The following ATP9A variants were observed in gnomAD, a reference collection of about 807,000 sequenced individuals.
ATP9A encodes the protein probable phospholipid-transporting ATPase IIA.
A neutral mutation model predicts 144.1 loss-of-function variants in ATP9A; 52 were observed. The observed-to-expected ratio is 0.36, with a 90% CI of 0.29 to 0.45. The LOEUF (loss-of-function observed/expected upper bound fraction) is 0.45, where lower values mean the gene tolerates loss of function less well. ATP9A is among the 20% of genes least tolerant of loss of function. ATP9A has a pLI of 1.00. For missense variants in ATP9A, 947 were observed against 1,392.7 expected (o/e 0.68, Z 5.09); for synonymous variants, 582 against 557.4 (o/e 1.04, Z -0.62).
At chr20:51,741,986 C>G (rs2077787144) in intron 1 of ATP9A, among the ~76,000 whole-genome samples, 2 of 152,278 alleles carry the variant, frequency 1.3e-5, no homozygotes, top group South Asian at 4.1e-4. Context: ...TATATATAAA[C>G]TATTTGTTTA....
intron 1 of ATP9A, among the ~76,000 whole-genome samples, chr20:51,766,470 TTCA>T (rs2077904130): frequency 6.6e-6 from 1 of 152,206 alleles, no homozygotes. Context: ...ATCATATTAA[TTCA>T]TCACAGTATT....
intron 13 of ATP9A, among the ~76,000 whole-genome samples, chr20:51,668,100 G>T (rs1223304142): frequency 2.2e-4 from 6 of 26,766 alleles, no homozygotes; most frequent in African/African-American, 2.8e-4. Context: ...GGGGGGGGGG[G>T]GCGGAAGGGC....
intron 14 of ATP9A, 88 bp downstream of exon 14, chr20:51,656,850 C>T: frequency 1.6e-6 from 2 of 1,256,694 alleles, no homozygotes; most frequent in South Asian, 1.3e-5. Flanking sequence ...TCTGCCCTGA[C>T]ACATTGCTTC....
At chr20:51,638,023 A>G (rs1329222271) in intron 15 of ATP9A, among the ~76,000 whole-genome samples, 2 of 138,778 alleles carry the variant, frequency 1.4e-5, no homozygotes, top group East Asian at 2.1e-4. Context: ...GTTTGCAGCG[A>G]ATGCCATTAA....
intron 1 of ATP9A, among the ~76,000 whole-genome samples, chr20:51,743,394 T>A (rs956167661): frequency 8.6e-6 from 1 of 116,790 alleles, no homozygotes; most frequent in Non-Finnish European, 1.7e-5. Context: ...AGACCGAAAC[T>A]GATTTTTTTT....
At chr20:51,682,573 G>C (rs2077504348) in intron 9 of ATP9A, among the ~76,000 whole-genome samples, 1 of 44,244 alleles carries the variant, frequency 2.3e-5, no homozygotes, top group Non-Finnish European at 5.6e-5. Context: ...GCTTTTCACT[G>C]TATCTTTTTT....
At chr20:51,736,140 G>C (rs1347407245) in intron 1 of ATP9A, among the ~76,000 whole-genome samples, 1 of 152,264 alleles carries the variant, frequency 6.6e-6, no homozygotes. Flanking sequence ...GAACTGCACA[G>C]GCAAAGATCC....
chr20:51,700,848 G>C (rs1267364271), intron 4 of ATP9A, among the ~76,000 whole-genome samples: 1 of 152,094 alleles, frequency 6.6e-6, no homozygotes, highest in African/African-American at 2.4e-5. Context: ...AGAAAACAGA[G>C]AGGGAGCGAA....
chr20:51,694,050 C>T lies in ATP9A; in HGVS notation c.600G>A (p.Leu200=). 1.2e-6 allele frequency: 2 copies of T among 1,614,116 alleles called. No individual in the cohort carries two copies. Among genetic ancestry groups the T allele is most frequent in the Non-Finnish European group, 1.7e-6 (2 of 1,180,000 alleles). Residue 200 remains leucine (L), a synonymous_variant, in exon 7 of 28, where the codon CTG becomes CTA. Transcript: ENST00000338821. ...DQLDGETDWK[L]RLPVACTQRL... is the part of the protein sequence containing the mutation. ...TCTGCGTGCAGGCCACGGGAAGCCG[C>T]AGCTTCCAGTCCGTCTCCCCATCCA...
In ATP9A at chr20:51,712,951, A is replaced by G. The variant is rs1209815615; in HGVS notation, c.436+15T>C. 3.1e-6 allele frequency: 5 copies of G among 1,597,106 alleles called. No individual in the cohort carries two copies. In the Admixed American group the frequency reaches 6.9e-5, roughly 22 times the overall value. On this transcript the variant is annotated intron_variant, in intron 4 of 27. Transcript: ENST00000338821. ...TTGAGCTGCAACCCTGTGGCCCAGGAGCCAGAAGGCTGACCTCGTGCTGTG... is the reference window on the plus strand; with the variant it reads ...TTGAGCTGCAACCCTGTGGCCCAGGGGCCAGAAGGCTGACCTCGTGCTGTG...
At chr20:51,639,569 A>G (rs2077310037) in intron 14 of ATP9A, 65 bp from the exon 15 acceptor site, 1 of 1,495,406 alleles carries the variant, frequency 6.7e-7, no homozygotes. Context: ...AGGCTGTGCT[A>G]TGAACACAAA....
chr20:51,627,545 G>T, intron 17 of ATP9A, 55 bp downstream of exon 17: 1 of 1,476,718 alleles, frequency 6.8e-7, no homozygotes, highest in South Asian at 1.1e-5. Context: ...TGGAAGGAGT[G>T]ACTGGGAGGC....
intron 4 of ATP9A, among the ~76,000 whole-genome samples, chr20:51,709,428 T>G (rs1198138067): frequency 2.0e-5 from 3 of 152,022 alleles, no homozygotes; most frequent in African/African-American, 4.8e-5. Flanking sequence ...GGCAGGAGAA[T>G]CGCTTCAACC....
At chr20:51,631,788 G>C (rs1198588010) in intron 15 of ATP9A, among the ~76,000 whole-genome samples, 1 of 152,212 alleles carries the variant, frequency 6.6e-6, no homozygotes, top group Non-Finnish European at 1.5e-5. Context: ...GGAAGGGGGA[G>C]AAGGCACTGG....
chr20:51,634,852 TC>T (rs2077284293), intron 15 of ATP9A, among the ~76,000 whole-genome samples: 1 of 15,456 alleles, frequency 6.5e-5, no homozygotes, highest in Admixed American at 7.8e-4. Flanking sequence ...CAAAACTCCA[TC>T]TCAAAAAAAA....
At chr20:51,710,330 TAGAA>T (rs1329894949) in intron 4 of ATP9A, among the ~76,000 whole-genome samples, 1 of 152,068 alleles carries the variant, frequency 6.6e-6, no homozygotes, top group Admixed American at 6.6e-5. Context: ...CTTCATGTGA[TAGAA>T]AGAAAACAGT....
chr20:51,703,073 G>A (rs773890904), intron 4 of ATP9A, among the ~76,000 whole-genome samples: 17 of 152,046 alleles, frequency 1.1e-4, no homozygotes, highest in South Asian at 2.1e-4. Context: ...CAGCTTGGGC[G>A]ATGCTTCACT....
At chr20:51,602,419 T>C (rs1018302624) in intron 27 of ATP9A, among the ~76,000 whole-genome samples, 2 of 152,140 alleles carry the variant, frequency 1.3e-5, no homozygotes, top group African/African-American at 4.8e-5. Context: ...TGTGTCCCTA[T>C]CACAAACAAG....
intron 24 of ATP9A, among the ~76,000 whole-genome samples, chr20:51,609,675 C>G (rs1415618960): frequency 1.3e-5 from 2 of 152,198 alleles, no homozygotes; most frequent in Non-Finnish European, 2.9e-5. Flanking sequence ...GACTCTGGCC[C>G]TCCCTGGAGC....
Sources: allele counts gnomAD v4.1 joint callset (sites outside exome capture counted in the v4.1 genomes callset), GRCh38; gene constraint gnomAD v4.1.1; transcripts MANE v1.5; gene names NCBI Gene and HGNC (gene_info 2026-07-23, HGNC 2026-07-21).